FER: variants seen among roughly 807,000 people sequenced by gnomAD.
The protein encoded by FER is FER tyrosine kinase.
Under a neutral mutation model 111.0 loss-of-function variants are expected in FER, and 63 were observed. The observed-to-expected ratio is 0.57, with a 90% CI of 0.46 to 0.70. The LOEUF is 0.70. FER is among the 30% of genes least tolerant of loss of function. The pLI is 0.00. For synonymous variants in FER, 327 were observed against 313.9 expected (o/e 1.04, Z -0.44); for missense variants, 914 against 954.0 (o/e 0.96, Z 0.55).
In FER at chr5:109,196,500, T is replaced by G. The variant is rs186596831; in HGVS notation, c.*8925T>G. ...TTCAGTGTAAAACACAAACAAGGCT[T>G]TGGCGGGTTTATCTGGCTTTATAAA... On this transcript the variant is annotated 3_prime_UTR_variant, in exon 20 of 20. Coordinates refer to ENST00000281092, the MANE Select transcript of FER (RefSeq NM_005246.4). 6.6e-6 allele frequency: 1 copy of G among 152,320 alleles called. No individual in the cohort carries two copies. Among genetic ancestry groups the G allele is most frequent in the East Asian group, 1.9e-4 (1 of 5,192 alleles). 9.4% of individuals were successfully genotyped at this position (152,320 alleles called of 1,614,324 possible). A position where few individuals can be genotyped will look rare whatever the true frequency, so the allele number is the denominator to read the frequency against.
At chr5:108,916,209 T>G (rs1030888688) in intron 10 of FER, among the ~76,000 whole-genome samples, 8 of 152,212 alleles carry the variant, frequency 5.3e-5, no homozygotes, top group African/African-American at 1.9e-4. Flanking sequence ...CCTTTATAGT[T>G]TAATAAAATC....
intron 3 of FER, among the ~76,000 whole-genome samples, chr5:108,820,975 G>T (rs1030954004): frequency 5.9e-5 from 9 of 152,132 alleles, no homozygotes; most frequent in African/African-American, 2.2e-4. Flanking sequence ...AGCCGAGCAT[G>T]GTGGCACATG....
intron 10 of FER, among the ~76,000 whole-genome samples, chr5:108,943,848 C>G (rs768939064): frequency 8.6e-5 from 13 of 151,996 alleles, no homozygotes; most frequent in Non-Finnish European, 1.6e-4. Flanking sequence ...ATCCTCTCAC[C>G]TCAGCCTCCT....
At chr5:108,820,653 G>C (rs76880673) in intron 3 of FER, 2 of 464,492 alleles carry the variant, frequency 4.3e-6, no homozygotes, top group South Asian at 1.8e-4. Flanking sequence ...GACCGTAACT[G>C]AGCTAATGCA....
chr5:108,926,831 T>C (rs1306886776), intron 10 of FER, among the ~76,000 whole-genome samples: 1 of 152,190 alleles, frequency 6.6e-6, no homozygotes, highest in Admixed American at 6.5e-5. Flanking sequence ...TTGACATCTT[T>C]TGTTTTTATA....
rs765037346 is a variant in FER, at chr5:109,007,163, G to A, written c.1657-30259G>A. 3.4e-4 allele frequency among the ~76,000 whole-genome samples: 51 copies of A among 152,022 alleles called. 1 individual carries two copies. The highest frequency in any genetic ancestry group is 1.8e-4 in the Non-Finnish European group (12 of 67,972). ...ATTGATATTGGCCAAATGCAGTTTCGAAGTAATAGCTCATATTCTGAGATA... is the reference window on the plus strand; with the variant it reads ...ATTGATATTGGCCAAATGCAGTTTCAAAGTAATAGCTCATATTCTGAGATA... On this transcript the variant is annotated intron_variant, in intron 13 of 19. Coordinates refer to ENST00000281092, the MANE Select transcript of FER (RefSeq NM_005246.4).
intron 1 of FER, among the ~76,000 whole-genome samples, chr5:108,754,296 A>G (rs1750826249): frequency 6.6e-6 from 1 of 151,388 alleles, no homozygotes; most frequent in South Asian, 2.1e-4. Flanking sequence ...TTGTACTACT[A>G]CTAAGGTGGC....
At chr5:109,096,030 C>G (rs1747467335) in intron 16 of FER, among the ~76,000 whole-genome samples, 1 of 151,898 alleles carries the variant, frequency 6.6e-6, no homozygotes, top group Non-Finnish European at 1.5e-5. Flanking sequence ...GTGGCATTGC[C>G]CTGATGATCT....
chr5:108,880,859 G>A (rs772049569), intron 8 of FER, among the ~76,000 whole-genome samples: 5 of 151,914 alleles, frequency 3.3e-5, no homozygotes, highest in East Asian at 3.9e-4. Context: ...AATTTATGAC[G>A]TTGTTTCACT....
chr5:108,758,581 C>T (rs1751378124), intron 1 of FER, among the ~76,000 whole-genome samples: 1 of 152,174 alleles, frequency 6.6e-6, no homozygotes, highest in Non-Finnish European at 1.5e-5. Flanking sequence ...AACATAAAGA[C>T]TTCTGTTTTC....
chr5:109,063,483 G>C (rs1774697995), intron 16 of FER, among the ~76,000 whole-genome samples: 1 of 152,166 alleles, frequency 6.6e-6, no homozygotes, highest in African/African-American at 2.4e-5. Context: ...GCCAACAAAG[G>C]ATTAAGGAAT....
At position 108,762,067 on chromosome 5, in the gene FER, C is replaced by A. The variant is rs908181028; in HGVS notation, c.-205-6026C>A. On this transcript the variant is annotated intron_variant, in intron 1 of 19. Transcript: ENST00000281092. ...CTGGGACTATAGGTGTGTGCCTCCA[C>A]ACCTGGCTAATTTTTTTTTGTATTT... 2.0e-5 allele frequency among the ~76,000 whole-genome samples: 3 copies of A among 152,104 alleles called. No individual in the cohort carries two copies. The South Asian group carries it at 6.2e-4, about 32-fold the overall frequency.
intron 11 of FER, among the ~76,000 whole-genome samples, chr5:108,948,139 G>A (rs1757233671): frequency 6.6e-6 from 1 of 151,992 alleles, no homozygotes; most frequent in South Asian, 2.1e-4. Context: ...ATTATATATA[G>A]GAAAATGAAA....
chr5:108,897,379 G>T (rs1749301879), intron 9 of FER, among the ~76,000 whole-genome samples: 1 of 152,104 alleles, frequency 6.6e-6, no homozygotes, highest in African/African-American at 2.4e-5. Context: ...TCTACTCTGT[G>T]AGGTATATAG....
intron 13 of FER, chr5:109,014,692 T>A (rs1164104106): frequency 6.6e-6 from 1 of 152,218 alleles, no homozygotes; most frequent in Non-Finnish European, 1.5e-5. Flanking sequence ...ATTTTCATGA[T>A]ATTGATTCTT....
chr5:109,051,392 CTAGTGGCTG>C lies in FER; in HGVS notation c.1924+4199_1924+4207del. On this transcript the variant is annotated intron_variant, in intron 16 of 19. Transcript: ENST00000281092. ...CTTGAAGGTTGCTGGTCCACAATGG[CTAGTGGCTG>C]TAGTTCATGTCCAGCAGCTAGTTTT... The C allele has an allele frequency of 3.1e-6, 5 of 1,612,190 alleles. No individual in the cohort carries two copies. In the East Asian group the frequency reaches 1.1e-4, roughly 36 times the overall value.
At chr5:108,792,655 G>A (rs935466477) in intron 2 of FER, among the ~76,000 whole-genome samples, 2 of 151,324 alleles carry the variant, frequency 1.3e-5, no homozygotes, top group South Asian at 4.1e-4. Flanking sequence ...ACTTTCAACA[G>A]TGTCTTAAGC....
chr5:108,933,474 C>T (rs1015801654), intron 10 of FER, among the ~76,000 whole-genome samples: 2 of 152,218 alleles, frequency 1.3e-5, no homozygotes, highest in African/African-American at 4.8e-5. Flanking sequence ...GGTACCAGTA[C>T]CATGCTGTTT....
At chr5:108,768,261 A>C (rs1752534255) in intron 2 of FER, 23 bp downstream of exon 2, 1 of 152,242 alleles carries the variant, frequency 6.6e-6, no homozygotes, top group African/African-American at 2.4e-5. Flanking sequence ...TATTCTTCTT[A>C]GTAAGTTACT....
Sources: gnomAD v4.1 joint callset for allele counts (sites outside exome capture counted in the v4.1 genomes callset) on GRCh38, gnomAD v4.1.1 for gene constraint, MANE v1.5 for transcripts, NCBI Gene and HGNC (gene_info 2026-07-23, HGNC 2026-07-21) for gene names.